Variants in SERPINB11 observed in about 807,000 individuals in gnomAD.
SERPINB11 encodes serpin family B member 11.
A neutral mutation model predicts 36.7 loss-of-function variants in SERPINB11; 32 were observed. The ratio of observed to expected loss-of-function variants is 0.87; its 90% CI spans 0.66 to 1.17. The LOEUF (loss-of-function observed/expected upper bound fraction) is 1.17. SERPINB11 is among the 50% of genes most tolerant of loss of function. The pLI is 0.00. For missense variants in SERPINB11, 528 were observed against 458.4 expected (o/e 1.15, Z -1.39); for synonymous variants, 174 against 168.1 (o/e 1.04, Z -0.27).
At chr18:63,713,082 T>C (rs1914570547) in intron 4 of SERPINB11, among the ~76,000 whole-genome samples, 1 of 152,232 alleles carries the variant, frequency 6.6e-6, no homozygotes, top group African/African-American at 2.4e-5. Context: ...ACAGGAGTTC[T>C]GTTTCCATTT....
In SERPINB11 at chr18:63,720,043, C is replaced by T. The variant is rs61740078; in HGVS notation, c.506C>T (p.Thr169Ile). ...GKVANLFGKS[T>I]IDPSSVMVLV... ...GTCGCAAATCTCTTTGGAAAGAGCA[C>T]AATTGACCCTTCATCTGTAATGGTC... is the stretch of plus-strand genomic sequence containing the variant. The change falls in exon 6 of 8, where the codon ACA (threonine) becomes ATA (isoleucine). Residue 169 changes from threonine (T) to isoleucine (I), a missense_variant. Coordinates refer to ENST00000544088, the MANE Select transcript of SERPINB11 (RefSeq NM_001370475.1). The T allele has an allele frequency of 0.025, 40,992 of 1,608,402 alleles. 593 individuals are homozygous for T. The highest frequency in any genetic ancestry group is 0.036 in the Middle Eastern group (216 of 6,046).
intron 1 of SERPINB11, among the ~76,000 whole-genome samples, chr18:63,706,368 A>G (rs1284837603): frequency 6.6e-6 from 1 of 152,234 alleles, no homozygotes; most frequent in African/African-American, 2.4e-5. Context: ...CAGTGAACAC[A>G]TCTCCAGAAA....
At chr18:63,709,590 G>A (rs548575953) in intron 1 of SERPINB11, among the ~76,000 whole-genome samples, 1 of 99,826 alleles carries the variant, frequency 1.0e-5, no homozygotes, top group East Asian at 5.6e-4. Context: ...CAGTCTGGGC[G>A]ACAGAGCGAG....
At chr18:63,715,096 A>G (rs149204897) in intron 4 of SERPINB11, among the ~76,000 whole-genome samples, 91 of 152,280 alleles carry the variant, frequency 6.0e-4, no homozygotes, top group African/African-American at 2.1e-3. Context: ...ACTTCCCCCA[A>G]CATTAGTTAA....
intron 5 of SERPINB11, among the ~76,000 whole-genome samples, chr18:63,718,139 A>G (rs149682913): frequency 6.6e-6 from 1 of 151,952 alleles, no homozygotes; most frequent in African/African-American, 2.4e-5. Flanking sequence ...TAGGTTTTCC[A>G]TTCTCTTTCA....
chr18:63,707,530 A>G (rs915017220), intron 1 of SERPINB11, among the ~76,000 whole-genome samples: 3 of 152,204 alleles, frequency 2.0e-5, no homozygotes, highest in Admixed American at 1.3e-4. Context: ...GTCTCTGCTC[A>G]TGCTATTCCT....
chr18:63,716,622 T>A (rs1490768961), intron 5 of SERPINB11, among the ~76,000 whole-genome samples: 2 of 152,298 alleles, frequency 1.3e-5, no homozygotes, highest in East Asian at 3.9e-4. Flanking sequence ...TCTTTAAGAT[T>A]ATATTGCAGC....
At chr18:63,713,364 A>G (rs1914579244) in intron 4 of SERPINB11, among the ~76,000 whole-genome samples, 1 of 152,218 alleles carries the variant, frequency 6.6e-6, no homozygotes, top group Non-Finnish European at 1.5e-5. Flanking sequence ...TCAGGCTGAT[A>G]AGGGTCACAG....
chr18:63,715,696 A>T (rs1206978382), intron 4 of SERPINB11, among the ~76,000 whole-genome samples: 1 of 152,142 alleles, frequency 6.6e-6, no homozygotes, highest in African/African-American at 2.4e-5. Flanking sequence ...AGTAACTTCC[A>T]TGTCTACTTT....
rs766391507 is a variant in SERPINB11 at position 63,716,077 on chromosome 18, C to A, written c.400C>A (p.Gln134Lys). 4.3e-6 allele frequency: 7 copies of A among 1,612,160 alleles called. No homozygotes were observed. Among genetic ancestry groups the A allele is most frequent in the Non-Finnish European group, 5.9e-6 (7 of 1,178,906 alleles). ...TGAGAAATGGTATCAAGCCAGGTTG[C>A]AAACTGTGGATTTTGAACAGTCTAC... ...CSEKWYQARL[Q>K]TVDFEQSTEE... Residue 134 changes from glutamine to lysine, a missense_variant, in exon 5 of 8, where the codon CAA becomes AAA. Gln to Lys is a moderately conservative substitution (Grantham distance 53). Transcript: ENST00000544088.
At chr18:63,713,123 G>A (rs11152402) in intron 4 of SERPINB11, among the ~76,000 whole-genome samples, 56,486 of 152,016 alleles carry the variant, frequency 0.37, 11,351 homozygotes, top group East Asian at 0.61. Context: ...AGTCACTTCT[G>A]TCTTTAAAAT....
chr18:63,723,396 C>T lies in SERPINB11; in HGVS notation c.1176C>T (p.Pro392=), dbSNP rs1568189572. 6.3e-7 allele frequency: 1 copy of T among 1,599,402 alleles called. No homozygotes were observed. The highest frequency in any genetic ancestry group is 1.7e-5 in the Admixed American group (1 of 59,082). The change falls in exon 8 of 8, where the codon CCC becomes CCT. Residue 392 remains proline (P), a synonymous_variant. Transcript: ENST00000544088. ...TILFCGKLAS[P] Reference sequence around the variant, plus strand: ...TATTCTGTGGCAAGCTTGCCTCTCCCTAATCAGATGGGGTTGAGCAAGGCT... The same window carrying T: ...TATTCTGTGGCAAGCTTGCCTCTCCTTAATCAGATGGGGTTGAGCAAGGCT...
intron 1 of SERPINB11, among the ~76,000 whole-genome samples, chr18:63,704,018 G>C (rs1372504032): frequency 6.6e-6 from 1 of 152,170 alleles, no homozygotes; most frequent in East Asian, 1.9e-4. Context: ...CACGTGAGTG[G>C]GCTGTTTTGG....
chr18:63,721,039 C>T, intron 7 of SERPINB11, 53 bp downstream of exon 7: 2 of 1,373,188 alleles, frequency 1.5e-6, no homozygotes, highest in Non-Finnish European at 2.0e-6. Context: ...CATGTTAACA[C>T]ACACACACAC....
In SERPINB11 at chr18:63,721,035, A is replaced by AACAC. The variant is rs147551453; in HGVS notation, c.774+61_774+64dup. The stretch of plus-strand genomic sequence containing the variant: ...TGCAGTTAAAGCATGTGTGCATGTT[A>AACAC]ACACACACACACACAGACACACTGT... On this transcript the variant is annotated intron_variant, in intron 7 of 7. Transcript: ENST00000544088. 5.0e-6 allele frequency: 7 copies of AACAC among 1,393,232 alleles called. No individual in the cohort carries two copies. In the African/African-American group the frequency reaches 8.5e-5, roughly 17 times the overall value. The allele number at this position is 1,393,232 out of a possible 1,614,324, so 86.3% of individuals were successfully genotyped here.
intron 1 of SERPINB11, among the ~76,000 whole-genome samples, chr18:63,708,213 C>G (rs1568183099): frequency 6.6e-6 from 1 of 152,170 alleles, no homozygotes; most frequent in South Asian, 2.1e-4. Context: ...TTGCTGGTCA[C>G]AGTAAGGACT....
Position 63,723,240 on chromosome 18 carries a change from C to G in SERPINB11, c.1020C>G (p.Ser340Arg), listed in dbSNP as rs760266308. Residue 340 changes from serine to arginine, a missense_variant, in exon 8 of 8, where the codon AGC (serine) becomes AGG (arginine). Physicochemically the swap from Ser to Arg is moderately radical, Grantham distance 110. Coordinates refer to ENST00000544088, the MANE Select transcript of SERPINB11 (RefSeq NM_001370475.1). ...KAIHKSYLDV[S>R]EEGTEAAAAT... ...TCCACAAGTCATACCTGGATGTCAGCGAAGAGGGCACGGAGGCAGCAGCAG... is the reference window on the plus strand; with the variant it reads ...TCCACAAGTCATACCTGGATGTCAGGGAAGAGGGCACGGAGGCAGCAGCAG... The G allele has an allele frequency of 1.9e-6, 3 of 1,613,896 alleles. No homozygotes were observed. The Admixed American group carries it at 5.0e-5, about 27-fold the overall frequency.
intron 1 of SERPINB11, among the ~76,000 whole-genome samples, chr18:63,703,289 A>G (rs560260021): frequency 4.4e-4 from 67 of 152,288 alleles, no homozygotes; most frequent in Non-Finnish European, 8.8e-4. Context: ...CTACTTACTA[A>G]TCTTCATTCA....
intron 5 of SERPINB11, among the ~76,000 whole-genome samples, chr18:63,718,918 T>C (rs1429401052): frequency 6.6e-6 from 1 of 152,052 alleles, no homozygotes; most frequent in Non-Finnish European, 1.5e-5. Flanking sequence ...CTCTCTCTTG[T>C]GCTAACTCTA....
Sources: gnomAD v4.1 joint callset for allele counts (sites outside exome capture counted in the v4.1 genomes callset) on GRCh38, gnomAD v4.1.1 for gene constraint, MANE v1.5 for transcripts, NCBI Gene and HGNC (gene_info 2026-07-23, HGNC 2026-07-21) for gene names.